The following LHFPL6 variants were observed in gnomAD, a reference collection of about 807,000 sequenced individuals.
LHFPL6 encodes LHFPL tetraspan subfamily member 6 protein.
In LHFPL6, 9 loss-of-function variants were observed where a neutral mutation model predicts 20.6. The ratio of observed to expected loss-of-function variants is 0.44; its 90% CI spans 0.26 to 0.76. The LOEUF (loss-of-function observed/expected upper bound fraction) is 0.76, where lower values mean the gene tolerates loss of function less well. LHFPL6 is among the 30% of genes least tolerant of loss of function. The pLI, the probability that LHFPL6 is intolerant of heterozygous loss-of-function variation, is 0.20. For synonymous variants in LHFPL6, 105 were observed against 98.7 expected (o/e 1.06, Z -0.38); for missense variants, 218 against 253.5 (o/e 0.86, Z 0.95).
chr13:39,440,986 C>G (rs1023876667), intron 2 of LHFPL6, among the ~76,000 whole-genome samples: 1 of 151,832 alleles, frequency 6.6e-6, no homozygotes, highest in Non-Finnish European at 1.5e-5. Flanking sequence ...TGTGAGGCCT[C>G]CCCCCCAGCC....
chr13:39,469,752 G>T (rs1872897808), intron 2 of LHFPL6, among the ~76,000 whole-genome samples: 1 of 152,186 alleles, frequency 6.6e-6, no homozygotes, highest in African/African-American at 2.4e-5. Flanking sequence ...AAAATCAAAG[G>T]ATAATTAGAG....
chr13:39,507,059 G>A (rs541932863), intron 2 of LHFPL6, among the ~76,000 whole-genome samples: 1 of 152,278 alleles, frequency 6.6e-6, no homozygotes, highest in East Asian at 1.9e-4. Context: ...GGTTATCCAA[G>A]CAATAGTTGG....
At chr13:39,569,148 T>TGGATGGACGGAC (rs71080313) in intron 2 of LHFPL6, among the ~76,000 whole-genome samples, 129 of 144,488 alleles carry the variant, frequency 8.9e-4, no homozygotes, top group East Asian at 6.1e-3. Context: ...GATGGATGGA[T>TGGATGGACGGAC]GGACGGACGG....
At chr13:39,485,640 G>C (rs1868698353) in intron 2 of LHFPL6, among the ~76,000 whole-genome samples, 1 of 152,106 alleles carries the variant, frequency 6.6e-6, no homozygotes, top group Non-Finnish European at 1.5e-5. Context: ...CCACCACTAT[G>C]AATAATCAAG....
At chr13:39,371,105 T>A (rs1870157143) in intron 3 of LHFPL6, among the ~76,000 whole-genome samples, 1 of 152,170 alleles carries the variant, frequency 6.6e-6, no homozygotes, top group Non-Finnish European at 1.5e-5. Flanking sequence ...CAGACTCTCA[T>A]CTTTATCAAC....
intron 3 of LHFPL6, among the ~76,000 whole-genome samples, chr13:39,344,877 G>C (rs889000271): frequency 6.6e-6 from 1 of 152,222 alleles, no homozygotes; most frequent in Non-Finnish European, 1.5e-5. Flanking sequence ...GGAATAAAGT[G>C]AGCCAGGGCT....
At chr13:39,575,550 G>C (rs1477647291) in intron 2 of LHFPL6, among the ~76,000 whole-genome samples, 1 of 152,160 alleles carries the variant, frequency 6.6e-6, no homozygotes, top group African/African-American at 2.4e-5. Context: ...CAAGTGGCCA[G>C]ATTTATTTTT....
Position 39,499,418 on chromosome 13 carries a change from T to C in LHFPL6, c.385+101414A>G, listed in dbSNP as rs980459737. On this transcript the variant is annotated intron_variant, in intron 2 of 3. Coordinates refer to ENST00000379589, the MANE Select transcript of LHFPL6 (RefSeq NM_005780.3). ...TGCTGGTCTTCCTTCCTCAGTCCTC[T>C]CCTCCCTTCACCATCCCTTGAGAGA... Among the ~76,000 whole-genome samples, 6 of 152,228 alleles carry C rather than the reference T, an allele frequency of 3.9e-5. No homozygotes were observed. In the East Asian group the frequency reaches 1.2e-3, roughly 29 times the overall value.
At chr13:39,386,008 CCATCAATT>C (rs1184115060) in intron 2 of LHFPL6, among the ~76,000 whole-genome samples, 5 of 152,040 alleles carry the variant, frequency 3.3e-5, no homozygotes, top group Non-Finnish European at 5.9e-5. Context: ...CCAGTGTTTC[CCATCAATT>C]CATCTTTTAT....
chr13:39,500,955 C>T (rs1869274547), intron 2 of LHFPL6, among the ~76,000 whole-genome samples: 1 of 152,130 alleles, frequency 6.6e-6, no homozygotes, highest in South Asian at 2.1e-4. Flanking sequence ...TCTACCTCCA[C>T]AATTTGTTTT....
At chr13:39,543,663 C>T (rs1317521790) in intron 2 of LHFPL6, among the ~76,000 whole-genome samples, 2 of 151,814 alleles carry the variant, frequency 1.3e-5, no homozygotes, top group Non-Finnish European at 2.9e-5. Context: ...AGAGTATCTA[C>T]AAGAAATTAT....
At chr13:39,471,893 C>T (rs1872957740) in intron 2 of LHFPL6, among the ~76,000 whole-genome samples, 1 of 152,156 alleles carries the variant, frequency 6.6e-6, no homozygotes, top group South Asian at 2.1e-4. Context: ...AAAAGGAATT[C>T]ACCCTAACAT....
intron 2 of LHFPL6, among the ~76,000 whole-genome samples, chr13:39,512,612 A>AAAAAAAAAAAAAAAAAAG (rs1432715224): frequency 8.0e-6 from 1 of 125,640 alleles, no homozygotes; most frequent in African/African-American, 3.2e-5. Context: ...AAAAAAAAAA[A>AAAAAAAAAAAAAAAAAAG]AAAGAAAAGA....
At chr13:39,426,612 C>A (rs944521529) in intron 2 of LHFPL6, among the ~76,000 whole-genome samples, 9 of 152,144 alleles carry the variant, frequency 5.9e-5, no homozygotes, top group African/African-American at 2.2e-4. Context: ...TGGCTTATTT[C>A]ACTTAGAATA....
chr13:39,402,928 G>T (rs1345189784), intron 2 of LHFPL6, among the ~76,000 whole-genome samples: 1 of 152,176 alleles, frequency 6.6e-6, no homozygotes, highest in Non-Finnish European at 1.5e-5. Flanking sequence ...TCTGCTAGAG[G>T]TTAGGGCTGT....
rs150924226 is a variant in LHFPL6 at position 39,597,595 on chromosome 13, C to T, written c.385+3237G>A. ...AGCCTTTCTACATGCCTTTTAAAAA[C>T]TCAGTTGAGGGTAACTCAACCCACA... is the stretch of plus-strand genomic sequence containing the variant. On this transcript the variant is annotated intron_variant, in intron 2 of 3. Transcript: ENST00000379589. Among the ~76,000 whole-genome samples, 280 of 152,298 alleles carry T rather than the reference C, an allele frequency of 1.8e-3. 4 individuals are homozygous for T. The highest frequency in any genetic ancestry group is 5.3e-3 in the Admixed American group (81 of 15,298).
rs370595610 is a variant in LHFPL6 at position 39,381,527 on chromosome 13, T to C, written c.386-3001A>G. Reference sequence around the variant, plus strand: ...CCTCCAACAACGCATGCTTATCTAATTGTGCTCTTGCTCTTGAAACAAACC... The same window carrying C: ...CCTCCAACAACGCATGCTTATCTAACTGTGCTCTTGCTCTTGAAACAAACC... On this transcript the variant is annotated intron_variant, in intron 2 of 3. Coordinates refer to ENST00000379589, the MANE Select transcript of LHFPL6 (RefSeq NM_005780.3). 1.5e-3 allele frequency among the ~76,000 whole-genome samples: 222 copies of C among 152,240 alleles called. 4 individuals carry two copies. The South Asian group carries it at 0.029, about 20-fold the overall frequency.
At chr13:39,380,877 T>G (rs1314610710) in intron 2 of LHFPL6, among the ~76,000 whole-genome samples, 1 of 152,100 alleles carries the variant, frequency 6.6e-6, no homozygotes, top group Non-Finnish European at 1.5e-5. Flanking sequence ...TATGAGAATC[T>G]AATGCCTGAT....
At chr13:39,359,442 AG>A (rs748730367) in intron 3 of LHFPL6, among the ~76,000 whole-genome samples, 32 of 152,332 alleles carry the variant, frequency 2.1e-4, no homozygotes, top group Admixed American at 5.2e-4. Context: ...GATTGGGTAA[AG>A]AAAATATACA....
Sources: allele counts gnomAD v4.1 joint callset (sites outside exome capture counted in the v4.1 genomes callset), GRCh38; gene constraint gnomAD v4.1.1; transcripts MANE v1.5; gene names NCBI Gene and HGNC (gene_info 2026-07-23, HGNC 2026-07-21).